The following PDE10A variants were observed in gnomAD, a reference collection of about 807,000 sequenced individuals.
PDE10A encodes cAMP and cAMP-inhibited cGMP 3',5'-cyclic phosphodiesterase 10A.
PDE10A carries 39 observed loss-of-function variants against 97.7 expected under a neutral mutation model. The observed-to-expected ratio is 0.40, with a 90% CI of 0.31 to 0.52. The LOEUF is 0.52. PDE10A is among the 20% of genes least tolerant of loss of function. The pLI, the probability that PDE10A is intolerant of heterozygous loss-of-function variation, is 0.56. For synonymous variants in PDE10A, 371 were observed against 376.8 expected (o/e 0.98, Z 0.18); for missense variants, 731 against 1,047.8 (o/e 0.70, Z 4.17).
rs902253894 is a variant in PDE10A at position 165,819,472 on chromosome 6, C to T, written c.-615+168057G>A. 6.6e-6 allele frequency among the ~76,000 whole-genome samples: 1 copy of T among 152,210 alleles called. No homozygotes were observed. Among genetic ancestry groups the T allele is most frequent in the Non-Finnish European group, 1.5e-5 (1 of 68,050 alleles). ...GCCGCTGGCACCACTCTCCGAGACA[C>T]GCTTGCACCCTGCACGTGCTGCCCT... On this transcript the variant is annotated intron_variant, in intron 1 of 19. Transcript: ENST00000366882. The surrounding 1 kb of genome is among the most constrained non-coding windows in gnomAD (Gnocchi z 4.2).
At chr6:165,635,724 T>A (rs186308999) in intron 1 of PDE10A, among the ~76,000 whole-genome samples, 1 of 152,208 alleles carries the variant, frequency 6.6e-6, no homozygotes, top group Non-Finnish European at 1.5e-5. Context: ...CACAAATCAA[T>A]AGACTATCGT....
intron 1 of PDE10A, among the ~76,000 whole-genome samples, chr6:165,941,407 A>G (rs757085155): frequency 2.0e-5 from 3 of 151,936 alleles, no homozygotes; most frequent in Non-Finnish European, 4.4e-5. Context: ...AACCAGACAG[A>G]CTCCAGTCAT....
At chr6:165,731,690 G>T (rs575443791) in intron 1 of PDE10A, among the ~76,000 whole-genome samples, 1 of 152,322 alleles carries the variant, frequency 6.6e-6, no homozygotes, top group South Asian at 2.1e-4. Flanking sequence ...CCATAGGGTT[G>T]CCATGAGGCC....
intron 12 of PDE10A, among the ~76,000 whole-genome samples, chr6:165,415,463 C>T (rs1788244427): frequency 6.6e-6 from 1 of 152,134 alleles, no homozygotes. Flanking sequence ...TGAGACTTTC[C>T]ATTTCTAGCG....
chr6:165,943,164 GA>G (rs1783592624), intron 1 of PDE10A, among the ~76,000 whole-genome samples: 3 of 81,710 alleles, frequency 3.7e-5, no homozygotes, highest in African/African-American at 1.6e-4. Context: ...AGAGAGAGAA[GA>G]AAGAAAGAAA....
At chr6:165,857,604 C>G (rs1780775089) in intron 1 of PDE10A, among the ~76,000 whole-genome samples, 1 of 151,426 alleles carries the variant, frequency 6.6e-6, no homozygotes, top group Admixed American at 6.6e-5. Flanking sequence ...GTGGCTTATG[C>G]AGAAGCTGAG....
At position 165,711,783 on chromosome 6, in the gene PDE10A, T is replaced by C. The variant is rs1562698538; in HGVS notation, c.-614-168215A>G. On this transcript the variant is annotated intron_variant, in intron 1 of 19. Transcript: ENST00000366882. The surrounding 1 kb of genome is among the most constrained non-coding windows in gnomAD (Gnocchi z 4.5). The stretch of plus-strand genomic sequence containing the variant: ...CAGACCAGCGAACCTCAAATGCATT[T>C]TTGTGGCAGTCATGCCTGTGTTATA... Among the ~76,000 whole-genome samples the C allele has an allele frequency of 6.6e-6, 1 of 152,178 alleles. No homozygotes were observed. Among genetic ancestry groups the C allele is most frequent in the Non-Finnish European group, 1.5e-5 (1 of 68,026 alleles).
intron 1 of PDE10A, among the ~76,000 whole-genome samples, chr6:165,691,113 C>CG (rs1159210409): frequency 9.2e-6 from 1 of 109,228 alleles, no homozygotes; most frequent in Non-Finnish European, 2.0e-5. Context: ...CTCTCCCCCC[C>CG]CCCATCAGTG....
intron 1 of PDE10A, among the ~76,000 whole-genome samples, chr6:165,622,054 A>T (rs558025055): frequency 1.3e-5 from 2 of 152,370 alleles, no homozygotes; most frequent in East Asian, 3.9e-4. Context: ...CCTTTGGAGC[A>T]AACACAGAGA....
chr6:165,898,871 A>C (rs562140388), intron 1 of PDE10A, among the ~76,000 whole-genome samples: 1 of 152,154 alleles, frequency 6.6e-6, no homozygotes. Flanking sequence ...CGGCAGCCTC[A>C]GGGTCTCTGC....
chr6:165,861,311 C>G (rs1244831652), intron 1 of PDE10A, among the ~76,000 whole-genome samples: 2 of 151,952 alleles, frequency 1.3e-5, no homozygotes, highest in South Asian at 4.2e-4. Flanking sequence ...GCATGACAAA[C>G]CTTCCTGCCC....
intron 3 of PDE10A, among the ~76,000 whole-genome samples, chr6:165,457,228 A>T (rs1778005042): frequency 6.6e-6 from 1 of 152,252 alleles, no homozygotes; most frequent in Non-Finnish European, 1.5e-5. Context: ...GTATTTTTAC[A>T]GCATTTTTAA....
At chr6:165,783,332 G>T (rs764014123) in intron 1 of PDE10A, among the ~76,000 whole-genome samples, 1 of 152,134 alleles carries the variant, frequency 6.6e-6, no homozygotes, top group Non-Finnish European at 1.5e-5. Flanking sequence ...GTTCTACTAA[G>T]ATACAGTCTT....
chr6:165,540,636 ACTTT>A (rs1244760379), intron 2 of PDE10A, among the ~76,000 whole-genome samples: 1 of 151,940 alleles, frequency 6.6e-6, no homozygotes, highest in African/African-American at 2.4e-5. Flanking sequence ...TGAGAACGGG[ACTTT>A]CTTTTTTTGT....
rs1780356309 is a variant in PDE10A, at chr6:165,493,715, A to C, written c.995-11372T>G. ...ACTTAAATCTAAGACCTGAAACCAT[A>C]AAATTCTAGAAGATAACATTGGAAA... On this transcript the variant is annotated intron_variant, in intron 2 of 21. Transcript: ENST00000539869. Among the ~76,000 whole-genome samples, 4 of 152,202 alleles carry C rather than the reference A, an allele frequency of 2.6e-5. No homozygotes were observed. In the South Asian group the frequency reaches 8.3e-4, roughly 31 times the overall value.
intron 1 of PDE10A, among the ~76,000 whole-genome samples, chr6:165,940,922 C>T (rs2128492563): frequency 6.6e-6 from 1 of 152,294 alleles, no homozygotes; most frequent in Non-Finnish European, 1.5e-5. Flanking sequence ...ACTGATAGAA[C>T]TTAAATTGTT....
intron 1 of PDE10A, among the ~76,000 whole-genome samples, chr6:165,880,649 T>G (rs1781448215): frequency 6.6e-6 from 1 of 152,240 alleles, no homozygotes; most frequent in African/African-American, 2.4e-5. Flanking sequence ...ATCCCCATGT[T>G]CTTCTGCCTC....
intron 1 of PDE10A, among the ~76,000 whole-genome samples, chr6:165,906,051 TCCC>T: frequency 4.0e-5 from 1 of 24,712 alleles, no homozygotes; most frequent in Non-Finnish European, 8.5e-5. Context: ...CTTCCTTCCC[TCCC>T]TCCCTCCCTC....
Position 165,347,891 on chromosome 6 carries a change from T to C in PDE10A, c.2784-4389A>G, listed in dbSNP as rs568700308. ...CACATCACATAGACACATTTGTTGT[T>C]CTTCAAAGCACACAGCAATAGCTAT... is the stretch of plus-strand genomic sequence containing the variant. On this transcript the variant is annotated intron_variant, in intron 18 of 21. Coordinates refer to ENST00000539869, the MANE Select transcript of PDE10A (RefSeq NM_001385079.1). 6.6e-5 allele frequency among the ~76,000 whole-genome samples: 10 copies of C among 152,372 alleles called. No individual in the cohort carries two copies. In the East Asian group the frequency reaches 1.7e-3, roughly 26 times the overall value.
Sources: gnomAD v4.1 joint callset for allele counts (sites outside exome capture counted in the v4.1 genomes callset) on GRCh38, gnomAD v4.1.1 for gene constraint, Gnocchi (gnomAD v3.1) non-coding constraint, MANE v1.5 for transcripts, NCBI Gene and HGNC (gene_info 2026-07-23, HGNC 2026-07-21) for gene names.